CLRN1: variants seen among roughly 807,000 people sequenced by gnomAD.
The protein encoded by CLRN1 is clarin-1.
CLRN1 carries 15 observed loss-of-function variants against 18.7 expected under a neutral mutation model. That is an observed-to-expected ratio of 0.80 (90% CI 0.54 to 1.23). The LOEUF is 1.23. Among genes scored for constraint, CLRN1 ranks in the 50% most tolerant of loss-of-function variants. The probability of loss-of-function intolerance (pLI) is 0.00; values close to 1 mark genes in which losing one functional copy is unlikely to be tolerated. For missense variants in CLRN1, 311 were observed against 277.5 expected, an observed-to-expected ratio of 1.12 and a Z score of -0.86; for synonymous variants, 104 against 102.9, an observed-to-expected ratio of 1.01 and a Z score of -0.07.
intron 2 of CLRN1, among the ~76,000 whole-genome samples, chr3:150,930,969 T>C (rs1480195275): frequency 6.6e-6 from 1 of 152,168 alleles, no homozygotes; most frequent in Non-Finnish European, 1.5e-5. Flanking sequence ...TGTCTGGTAG[T>C]AGAGAGGACA....
intron 2 of CLRN1, among the ~76,000 whole-genome samples, chr3:150,938,076 T>G (rs896490132): frequency 5.3e-5 from 8 of 152,132 alleles, no homozygotes; most frequent in Non-Finnish European, 1.0e-4. Context: ...ATAGAATGAC[T>G]TCAGCACAAG....
intron 1 of CLRN1, among the ~76,000 whole-genome samples, chr3:150,944,642 G>T (rs929544652): frequency 1.3e-5 from 2 of 151,800 alleles, no homozygotes; most frequent in Non-Finnish European, 2.9e-5. Context: ...AGTGGATCAC[G>T]AGGTCAGAAG....
Position 150,927,417 on chromosome 3 carries a change from G to A in CLRN1, c.*519C>T, listed in dbSNP as rs916738545. ...TGGAATTACAGGTGTGAGTCACCAC[G>A]CCTGGCCTAAGAGTATACTTTAAAC... On this transcript the variant is annotated 3_prime_UTR_variant, in exon 3 of 3. Coordinates refer to ENST00000327047, the MANE Select transcript of CLRN1 (RefSeq NM_174878.3). 1.8e-5 allele frequency: 8 copies of A among 449,920 alleles called. No homozygotes were observed. The highest frequency in any genetic ancestry group is 7.0e-5 in the East Asian group (1 of 14,212). The allele number at this position is 449,920 out of a possible 1,614,324, so 27.9% of individuals were successfully genotyped here.
rs1046370749 is a variant in CLRN1, at chr3:150,945,426, C to T, written c.254-3665G>A. On this transcript the variant is annotated intron_variant, in intron 1 of 2. Transcript: ENST00000327047. ...TGCCTCATGGCCACAACACTCTACT[C>T]CTGACCACATGCTGGAAGGGGGCCA... 5 of 1,065,300 alleles carry T rather than the reference C, an allele frequency of 4.7e-6. No individual in the cohort carries two copies. The South Asian group carries it at 6.0e-5, about 13-fold the overall frequency. The allele number at this position is 1,065,300 out of a possible 1,614,324, so 66.0% of individuals were successfully genotyped here. A position where few individuals can be genotyped will look rare whatever the true frequency, so the allele number is the denominator to read the frequency against.
At chr3:150,933,420 T>C (rs925920395) in intron 2 of CLRN1, among the ~76,000 whole-genome samples, 2 of 152,080 alleles carry the variant, frequency 1.3e-5, no homozygotes, top group Non-Finnish European at 2.9e-5. Context: ...ATAGGGAATA[T>C]AACATTTAAG....
intron 1 of CLRN1, among the ~76,000 whole-genome samples, chr3:150,953,888 T>A (rs1714611150): frequency 6.6e-6 from 1 of 152,216 alleles, no homozygotes; most frequent in South Asian, 2.1e-4. Context: ...TATTATTTTA[T>A]CCTTAATGTA....
chr3:150,935,399 G>GT (rs1449878675), intron 2 of CLRN1, among the ~76,000 whole-genome samples: 6 of 150,750 alleles, frequency 4.0e-5, no homozygotes, highest in Non-Finnish European at 5.9e-5. Context: ...GCGGTGTTTG[G>GT]TTTTTTGTCC....
chr3:150,950,522 G>T (rs1352241597), intron 1 of CLRN1, among the ~76,000 whole-genome samples: 1 of 152,104 alleles, frequency 6.6e-6, no homozygotes, highest in Non-Finnish European at 1.5e-5. Flanking sequence ...TTCAAAAGAA[G>T]ATGTACCTGC....
chr3:150,945,599 G>A (rs913392967), intron 1 of CLRN1: 4 of 1,286,836 alleles, frequency 3.1e-6, no homozygotes, highest in East Asian at 1.1e-4. Flanking sequence ...GGATCCTGAT[G>A]GTGTTTACCA....
intron 2 of CLRN1, chr3:150,941,354 A>G: frequency 4.2e-6 from 2 of 480,052 alleles, no homozygotes; most frequent in Non-Finnish European, 3.7e-6. Context: ...CTTCAAAAAT[A>G]TAATTTAATG....
chr3:150,946,710 T>C (rs1162671628), intron 1 of CLRN1, among the ~76,000 whole-genome samples: 1 of 151,078 alleles, frequency 6.6e-6, no homozygotes, highest in Non-Finnish European at 1.5e-5. Flanking sequence ...ATTTCTTTTT[T>C]TTTTTTTTTT....
chr3:150,927,659 C>G lies in CLRN1; in HGVS notation c.*277G>C, dbSNP rs200685524. The G allele has an allele frequency of 3.4e-5, 14 of 406,090 alleles. No individual in the cohort carries two copies. Among genetic ancestry groups the G allele is most frequent in the African/African-American group, 3.1e-4 (13 of 41,614 alleles). The allele number at this position is 406,090 out of a possible 1,614,324, so 25.2% of individuals were successfully genotyped here. On this transcript the variant is annotated 3_prime_UTR_variant, in exon 3 of 3. Transcript: ENST00000327047. ...ACACACACACACACACACACACACA[C>G]ATATATATATATGGAGTAACAATTT...
intron 1 of CLRN1, among the ~76,000 whole-genome samples, chr3:150,971,694 G>A (rs921855999): frequency 6.6e-6 from 1 of 152,098 alleles, no homozygotes; most frequent in African/African-American, 2.4e-5. Context: ...TATAACAAAT[G>A]ACTTCCTATT....
At chr3:150,947,806 A>C (rs901769269) in intron 1 of CLRN1, among the ~76,000 whole-genome samples, 19 of 152,212 alleles carry the variant, frequency 1.2e-4, no homozygotes, top group African/African-American at 2.4e-5. Context: ...ATGACTTTGG[A>C]TAAATAATTA....
At chr3:150,952,040 G>A (rs147887457) in intron 1 of CLRN1, among the ~76,000 whole-genome samples, 1,559 of 152,242 alleles carry the variant, frequency 0.01, 13 homozygotes, top group Non-Finnish European at 0.016. Context: ...GTGTCAATGT[G>A]GATGTTAAAG....
upstream of CLRN1, chr3:150,972,805 TGAAC>T: frequency 6.4e-7 from 1 of 1,557,914 alleles, no homozygotes; most frequent in Non-Finnish European, 8.8e-7. Context: ...TTACGGAAGC[TGAAC>T]GGACAGCTCC....
intron 1 of CLRN1, among the ~76,000 whole-genome samples, chr3:150,950,596 C>T (rs1050911244): frequency 2.1e-4 from 32 of 152,118 alleles, no homozygotes; most frequent in African/African-American, 7.7e-4. Context: ...ATCAAAACAA[C>T]AATGAAATAC....
chr3:150,960,416 A>G (rs1315005247), intron 1 of CLRN1, among the ~76,000 whole-genome samples: 1 of 152,190 alleles, frequency 6.6e-6, no homozygotes, highest in Admixed American at 6.5e-5. Flanking sequence ...ATTGGGACCA[A>G]GGAATCCTCC....
chr3:150,943,265 C>A (rs1275499088), intron 1 of CLRN1, among the ~76,000 whole-genome samples: 3 of 152,180 alleles, frequency 2.0e-5, no homozygotes, highest in Non-Finnish European at 4.4e-5. Context: ...ACTTCCATCC[C>A]TGTGTGCCCG....
Sources: gnomAD v4.1 joint callset for allele counts (sites outside exome capture counted in the v4.1 genomes callset) on GRCh38, gnomAD v4.1.1 for gene constraint, MANE v1.5 for transcripts, NCBI Gene and HGNC (gene_info 2026-07-23, HGNC 2026-07-21) for gene names.